The following TBL1X variants were observed in gnomAD, a reference collection of about 807,000 sequenced individuals.
The protein encoded by TBL1X is transducin beta like 1 X-linked.
A neutral mutation model predicts 50.7 loss-of-function variants in TBL1X; 10 were observed. That is an observed-to-expected ratio of 0.20 (90% CI 0.12 to 0.33). The LOEUF is 0.33. TBL1X is among the 10% of genes least tolerant of loss of function. The pLI is 1.00. For missense variants in TBL1X, 340 were observed against 504.4 expected (o/e 0.67, Z 3.12); for synonymous variants, 190 against 214.7 (o/e 0.88, Z 1.01).
At chrX:9,493,586 A>G (rs902164478) in intron 1 of TBL1X, among the ~76,000 whole-genome samples, 16 of 110,830 alleles carry the variant, frequency 1.4e-4, no homozygotes, top group African/African-American at 4.9e-4. Flanking sequence ...AGATGGTGAC[A>G]TTCCATCTCT....
chrX:9,500,850 G>C (rs887135253), intron 1 of TBL1X, among the ~76,000 whole-genome samples: 10 of 111,784 alleles, frequency 8.9e-5, no homozygotes, highest in African/African-American at 2.9e-4. Context: ...TGTTCCCCAG[G>C]GGACACTCGG....
chrX:9,714,810 C>T (rs56327515), intron 16 of TBL1X, 92 bp from the exon 17 acceptor site: 16,349 of 875,261 alleles, frequency 0.019, 141 homozygotes, highest in Non-Finnish European at 0.023. Context: ...ATGTTCATGA[C>T]GAAACGTCAG....
intron 2 of TBL1X, among the ~76,000 whole-genome samples, chrX:9,568,507 A>G (rs771120889): frequency 8.4e-5 from 9 of 107,735 alleles, no homozygotes; most frequent in Non-Finnish European, 1.3e-4. Context: ...TGTTGTGTCT[A>G]TCTGCGTGGT....
chrX:9,584,529 T>C (rs1330550365), intron 2 of TBL1X, among the ~76,000 whole-genome samples: 2 of 111,722 alleles, frequency 1.8e-5, no homozygotes, highest in Non-Finnish European at 1.9e-5. Flanking sequence ...ATACCAAAAA[T>C]TGGACTTCCC....
intron 2 of TBL1X, among the ~76,000 whole-genome samples, chrX:9,539,117 A>T (rs570021645): frequency 2.7e-5 from 3 of 112,461 alleles, no homozygotes; most frequent in African/African-American, 9.7e-5. Context: ...GAGGAAAAGG[A>T]TACATTGTGT....
chrX:9,648,255 G>A, intron 3 of TBL1X, among the ~76,000 whole-genome samples: 1 of 93,983 alleles, frequency 1.1e-5, no homozygotes, highest in South Asian at 4.2e-4. Context: ...AGTCATAACT[G>A]TCATAAGAAG....
intron 2 of TBL1X, among the ~76,000 whole-genome samples, chrX:9,591,749 AGAG>A (rs1267334306): frequency 2.6e-4 from 29 of 111,893 alleles, no homozygotes; most frequent in African/African-American, 8.8e-4. Context: ...CACATGATAA[AGAG>A]GAGGTTTCTG....
chrX:9,465,129 G>T lies in TBL1X; in HGVS notation c.-519G>T. The T allele has an allele frequency of 8.9e-6, 1 of 112,685 alleles. No homozygotes were observed. The highest frequency in any genetic ancestry group is 9.4e-5 in the Admixed American group (1 of 10,634). 9.3% of individuals were successfully genotyped at this position (112,685 alleles called of 1,213,427 possible). ...TCCCGCTGTCCCGCCCTCTCCCGCT[G>T]CCGCCGCCGCCGCCGCCGCGCCCGC... is the stretch of plus-strand genomic sequence containing the variant. On this transcript the variant is annotated 5_prime_UTR_variant, in exon 1 of 18. Coordinates refer to ENST00000645353, the MANE Select transcript of TBL1X (RefSeq NM_005647.4).
At chrX:9,632,347 C>T (rs906126010) in intron 2 of TBL1X, among the ~76,000 whole-genome samples, 1 of 111,887 alleles carries the variant, frequency 8.9e-6, no homozygotes, top group Admixed American at 9.5e-5. Flanking sequence ...TGGCCGCGAT[C>T]TTAGCTTACC....
rs531024610 is a variant in TBL1X at position 9,545,907 on chromosome X, A to G, written c.-131+44058A>G. On this transcript the variant is annotated intron_variant, in intron 2 of 17. Transcript: ENST00000645353. ...TAGAGGAGTCCCCCAACCTTCTTCT[A>G]TGACATAGGAGTTTGGGGATTTGTC... Among the ~76,000 whole-genome samples, 50 of 111,873 alleles carry G rather than the reference A, an allele frequency of 4.5e-4. No homozygotes were observed. The South Asian group carries it at 0.017, about 39-fold the overall frequency.
rs774513471 is a variant in TBL1X at position 9,692,141 on chromosome X, A to G, written c.778A>G (p.Asn260Asp). 1 of 1,211,607 alleles carries G rather than the reference A, an allele frequency of 8.3e-7. No individual in the cohort carries two copies. The highest frequency in any genetic ancestry group is 3.0e-5 in the East Asian group (1 of 33,833). ...GSGDSTARIW[N>D]LNENSNGGST... Reference sequence around the variant, plus strand: ...TGGAGACTCAACTGCAAGGATATGGAACCTGAATGAGAATAGCAACGGGGG... The same window carrying G: ...TGGAGACTCAACTGCAAGGATATGGGACCTGAATGAGAATAGCAACGGGGG... Residue 260 changes from asparagine to aspartate, a missense_variant, in exon 9 of 18, where the codon AAC (asparagine) becomes GAC (aspartate). By Grantham distance (23) the Asn-to-Asp change is conservative. This residue lies in a region of TBL1X where 170 missense variants were observed against 272.6 expected (regional missense o/e 0.62). Transcript: ENST00000645353.
At chrX:9,608,447 G>A (rs1305895799) in intron 2 of TBL1X, among the ~76,000 whole-genome samples, 1 of 112,050 alleles carries the variant, frequency 8.9e-6, no homozygotes, top group Non-Finnish European at 1.9e-5. Context: ...CTTGATAGAA[G>A]GAGTAGGATT....
At chrX:9,657,373 C>T (rs2238874) in intron 5 of TBL1X, among the ~76,000 whole-genome samples, 7 of 112,220 alleles carry the variant, frequency 6.2e-5, no homozygotes, top group East Asian at 2.8e-4. Context: ...ACCAGGTTGC[C>T]GCTCCTGTCC....
At chrX:9,709,579 G>T (rs2083232020) in intron 14 of TBL1X, 54 bp from the exon 15 acceptor site, 2 of 1,194,565 alleles carry the variant, frequency 1.7e-6, no homozygotes, top group East Asian at 5.9e-5. Context: ...ATTCCACATC[G>T]TTCCCGGATG....
At chrX:9,524,511 C>T (rs755965707) in intron 2 of TBL1X, among the ~76,000 whole-genome samples, 1 of 111,985 alleles carries the variant, frequency 8.9e-6, no homozygotes, top group South Asian at 3.7e-4. Flanking sequence ...TTATTTCACT[C>T]AGCGTACTGT....
At chrX:9,701,748 A>C in intron 12 of TBL1X, among the ~76,000 whole-genome samples, 1 of 111,145 alleles carries the variant, frequency 9.0e-6, no homozygotes, top group South Asian at 3.8e-4. Context: ...TGGACCGCTC[A>C]CCAGATTGTC....
intron 11 of TBL1X, among the ~76,000 whole-genome samples, chrX:9,696,597 G>C (rs902077947): frequency 4.4e-5 from 5 of 112,767 alleles, no homozygotes; most frequent in African/African-American, 1.6e-4. Context: ...CCAGTACATT[G>C]GTGCCTGGCC....
intron 2 of TBL1X, among the ~76,000 whole-genome samples, chrX:9,563,405 G>A (rs971322569): frequency 1.8e-5 from 2 of 112,672 alleles, no homozygotes; most frequent in Non-Finnish European, 1.9e-5. Flanking sequence ...AAGGAAGGAC[G>A]CCATAAGGAA....
intron 1 of TBL1X, among the ~76,000 whole-genome samples, chrX:9,473,745 GAC>G (rs1288025490): frequency 8.9e-6 from 1 of 112,163 alleles, no homozygotes; most frequent in South Asian, 3.7e-4. Context: ...GCATTTTCAA[GAC>G]ACAGTGGTTC....
Sources: allele counts gnomAD v4.1 joint callset (sites outside exome capture counted in the v4.1 genomes callset), GRCh38; gene constraint gnomAD v4.1.1; regional missense constraint gnomAD v4.1.1; transcripts MANE v1.5; gene names NCBI Gene and HGNC (gene_info 2026-07-23, HGNC 2026-07-21).